The following MYO6 variants were observed in gnomAD, a reference collection of about 807,000 sequenced individuals.
MYO6 encodes unconventional myosin-VI.
In MYO6, 74 loss-of-function variants were observed where a neutral mutation model predicts 178.7. The observed-to-expected ratio is 0.41, with a 90% CI of 0.34 to 0.50. The LOEUF (loss-of-function observed/expected upper bound fraction) is 0.50. Ranked by LOEUF, MYO6 falls within the 20% of genes least tolerant of loss-of-function variation. The pLI is 0.09. For synonymous variants in MYO6, 477 were observed against 504.6 expected, an observed-to-expected ratio of 0.95 and a Z score of 0.73; for missense variants, 1,330 against 1,547.4, an observed-to-expected ratio of 0.86 and a Z score of 2.36.
intron 1 of MYO6, among the ~76,000 whole-genome samples, chr6:75,788,328 C>T (rs1767884931): frequency 6.6e-6 from 1 of 151,894 alleles, no homozygotes; most frequent in South Asian, 2.1e-4. Flanking sequence ...CGTGCCACTG[C>T]ACTCCAGCCT....
intron 1 of MYO6, among the ~76,000 whole-genome samples, chr6:75,815,019 T>C (rs1228284560): frequency 2.6e-5 from 4 of 152,218 alleles, no homozygotes; most frequent in African/African-American, 9.7e-5. Context: ...GTCCAAGTCC[T>C]GATGAAACAG....
At chr6:75,750,384 T>C (rs276692) in intron 1 of MYO6, among the ~76,000 whole-genome samples, 149,905 of 152,182 alleles carry the variant, frequency 0.99, 73,837 homozygotes, top group East Asian at 1. Context: ...CGTGAGCCAC[T>C]GCGCCTGGCC....
chr6:75,813,172 A>G (rs1164557722), intron 1 of MYO6, among the ~76,000 whole-genome samples: 1 of 152,158 alleles, frequency 6.6e-6, no homozygotes, highest in African/African-American at 2.4e-5. Flanking sequence ...CCTGGGAGGC[A>G]GGGCCTGGAA....
intron 20 of MYO6, among the ~76,000 whole-genome samples, chr6:75,879,061 T>C (rs1225523588): frequency 6.6e-6 from 1 of 152,246 alleles, no homozygotes; most frequent in Non-Finnish European, 1.5e-5. Context: ...CCATTTGCCT[T>C]ATGCACTGAT....
intron 1 of MYO6, among the ~76,000 whole-genome samples, chr6:75,770,631 C>T (rs1294195135): frequency 6.6e-6 from 1 of 152,182 alleles, no homozygotes; most frequent in Admixed American, 6.6e-5. Flanking sequence ...CTTGCACCAC[C>T]ATGCCTGGCT....
In MYO6 at chr6:75,870,642, C is replaced by A; in HGVS notation, c.1945-5C>A. The A allele has an allele frequency of 1.2e-6, 2 of 1,611,086 alleles. No individual in the cohort carries two copies. Among genetic ancestry groups the A allele is most frequent in the Non-Finnish European group, 1.7e-6 (2 of 1,178,032 alleles). ...AATAATAAACTGATTTCCTTTCTTT[C>A]ACAGACACAGTTAAATTTGCTTCTG... is the stretch of plus-strand genomic sequence containing the variant. On this transcript the variant is annotated splice_region_variant and splice_polypyrimidine_tract_variant and intron_variant, in intron 18 of 34. Coordinates refer to ENST00000369977, the MANE Select transcript of MYO6 (RefSeq NM_004999.4).
At chr6:75,803,635 T>G (rs1447996549) in intron 1 of MYO6, among the ~76,000 whole-genome samples, 2 of 152,214 alleles carry the variant, frequency 1.3e-5, no homozygotes, top group Non-Finnish European at 2.9e-5. Flanking sequence ...AATTACTTCT[T>G]AATTAAATTG....
At chr6:75,913,862 C>T (rs1780952742) in intron 33 of MYO6, among the ~76,000 whole-genome samples, 1 of 152,036 alleles carries the variant, frequency 6.6e-6, no homozygotes, top group African/African-American at 2.4e-5. Flanking sequence ...TGCTAAGAAA[C>T]ATCTTAAGGG....
rs1188062032 is a variant in MYO6, at chr6:75,830,226, AT to A, written c.262-188del. ...ATGGGTTGGTAAGATACAAATATTT[AT>A]TAAGAATTGGAGAAATATGGGTCCC... On this transcript the variant is annotated intron_variant, in intron 4 of 34. Transcript: ENST00000369977. Among the ~76,000 whole-genome samples the A allele has an allele frequency of 2.0e-5, 3 of 152,196 alleles. 1 individual carries two copies. Among genetic ancestry groups the A allele is most frequent in the Non-Finnish European group, 4.4e-5 (3 of 68,040 alleles).
At chr6:75,907,554 G>A in intron 30 of MYO6, 51 bp from the exon 31 acceptor site, 4 of 1,419,078 alleles carry the variant, frequency 2.8e-6, no homozygotes, top group Non-Finnish European at 4.0e-6. Flanking sequence ...TTTAGTCAAT[G>A]TTTTCTTCAT....
intron 11 of MYO6, among the ~76,000 whole-genome samples, chr6:75,851,541 G>C (rs536240497): frequency 9.9e-5 from 15 of 151,912 alleles, no homozygotes; most frequent in Non-Finnish European, 2.2e-4. Context: ...GGTGGTTCTT[G>C]CGTGTTATCC....
intron 1 of MYO6, among the ~76,000 whole-genome samples, chr6:75,774,515 T>C (rs1766190151): frequency 6.6e-6 from 1 of 152,216 alleles, no homozygotes; most frequent in African/African-American, 2.4e-5. Flanking sequence ...GAATGCAATT[T>C]AATGTTTTAT....
intron 6 of MYO6, 36 bp from the exon 7 acceptor site, chr6:75,835,865 T>C (rs1427419698): frequency 8.2e-7 from 1 of 1,218,776 alleles, no homozygotes. Flanking sequence ...CACCATATTA[T>C]TGTCATCAAC....
At chr6:75,822,975 T>A in intron 3 of MYO6, 124 bp downstream of exon 3, 1 of 752,642 alleles carries the variant, frequency 1.3e-6, no homozygotes, top group Non-Finnish European at 2.3e-6. Context: ...TCTTTTGACA[T>A]GAATATTCAT....
At chr6:75,833,208 G>A (rs1040181940) in intron 6 of MYO6, among the ~76,000 whole-genome samples, 8 of 152,278 alleles carry the variant, frequency 5.3e-5, no homozygotes, top group East Asian at 1.9e-4. Flanking sequence ...GGCTGGTTTC[G>A]AATTTCTGGG....
At chr6:75,782,371 A>G (rs954905691) in intron 1 of MYO6, among the ~76,000 whole-genome samples, 2 of 152,076 alleles carry the variant, frequency 1.3e-5, no homozygotes, top group Non-Finnish European at 2.9e-5. Flanking sequence ...ATTATATTCA[A>G]GATTCTTATT....
intron 32 of MYO6, among the ~76,000 whole-genome samples, chr6:75,910,044 G>A (rs1478642965): frequency 6.6e-6 from 1 of 152,112 alleles, no homozygotes; most frequent in African/African-American, 2.4e-5. Flanking sequence ...AAGGGCAGTG[G>A]GAGATCACTT....
At chr6:75,870,078 C>A (rs1382444070) in intron 18 of MYO6, among the ~76,000 whole-genome samples, 1 of 151,550 alleles carries the variant, frequency 6.6e-6, no homozygotes, top group Non-Finnish European at 1.5e-5. Flanking sequence ...CATGCCACTG[C>A]ACTCTAGCCT....
intron 25 of MYO6, among the ~76,000 whole-genome samples, chr6:75,888,823 TC>T (rs1182489679): frequency 6.6e-6 from 1 of 152,218 alleles, no homozygotes; most frequent in Non-Finnish European, 1.5e-5. Context: ...TAATACATTA[TC>T]TTCATAGATA....
Sources: allele counts gnomAD v4.1 joint callset (sites outside exome capture counted in the v4.1 genomes callset), GRCh38; gene constraint gnomAD v4.1.1; transcripts MANE v1.5; gene names NCBI Gene and HGNC (gene_info 2026-07-23, HGNC 2026-07-21).